The following ZNF277 variants were observed in gnomAD, a reference collection of about 807,000 sequenced individuals.
The protein encoded by ZNF277 is zinc finger protein 277, also known as nuclear receptor-interacting factor 4.
A neutral mutation model predicts 60.7 loss-of-function variants in ZNF277; 55 were observed. The observed-to-expected ratio is 0.91, with a 90% CI of 0.73 to 1.13. The LOEUF (loss-of-function observed/expected upper bound fraction) is 1.13. Among genes scored for constraint, ZNF277 ranks in the 50% most tolerant of loss-of-function variants. The pLI, the probability that ZNF277 is intolerant of heterozygous loss-of-function variation, is 0.00. For missense variants in ZNF277, 510 were observed against 523.0 expected (o/e 0.98, Z 0.24); for synonymous variants, 178 against 179.3 (o/e 0.99, Z 0.06).
At chr7:112,290,217 G>T (rs151267768) in intron 2 of ZNF277, among the ~76,000 whole-genome samples, 2 of 152,274 alleles carry the variant, frequency 1.3e-5, no homozygotes, top group East Asian at 1.9e-4. Context: ...AGTGATAATT[G>T]AATAGTTTAA....
In ZNF277 at chr7:112,249,663, G is replaced by A. The variant is rs556140105; in HGVS notation, c.92-37210G>A. On this transcript the variant is annotated intron_variant, in intron 1 of 11. Coordinates refer to ENST00000361822, the MANE Select transcript of ZNF277 (RefSeq NM_021994.3). ...CCGGCTGAAGCCATGGCAGAAGAAC[G>A]TAGATTGTGAAGATTTCATGGACAT... Among the ~76,000 whole-genome samples, 339 of 152,292 alleles carry A rather than the reference G, an allele frequency of 2.2e-3. No individual in the cohort carries two copies. The Middle Eastern group carries it at 0.024, about 11-fold the overall frequency.
intron 1 of ZNF277, among the ~76,000 whole-genome samples, chr7:112,254,167 T>C (rs1043006499): frequency 1.4e-4 from 22 of 152,258 alleles, no homozygotes. Flanking sequence ...GAGAAGCTTT[T>C]CAGAAAGCAA....
intron 4 of ZNF277, among the ~76,000 whole-genome samples, chr7:112,309,056 T>C (rs537187693): frequency 1.7e-4 from 26 of 152,172 alleles, no homozygotes; most frequent in African/African-American, 6.0e-4. Flanking sequence ...AGGGTACCTT[T>C]TGAATGAAGG....
At chr7:112,247,860 TG>T (rs1438003243) in intron 1 of ZNF277, among the ~76,000 whole-genome samples, 1 of 150,988 alleles carries the variant, frequency 6.6e-6, no homozygotes, top group Non-Finnish European at 1.5e-5. Flanking sequence ...CTCAGCTACT[TG>T]GGGGGCTGAG....
At chr7:112,224,306 T>C (rs1822116028) in intron 1 of ZNF277, among the ~76,000 whole-genome samples, 1 of 152,244 alleles carries the variant, frequency 6.6e-6, no homozygotes, top group Non-Finnish European at 1.5e-5. Context: ...TAAAAAATTG[T>C]AAACAAATTT....
rs992285847 is a variant in ZNF277 at position 112,324,178 on chromosome 7, C to T, written c.558-3539C>T. On this transcript the variant is annotated intron_variant, in intron 5 of 11. Transcript: ENST00000361822. ...GTCAAAAAAAATTTAATATACCTAA[C>T]CTACCTTAGGCATGCTTTGAACACT... 7.2e-5 allele frequency among the ~76,000 whole-genome samples: 11 copies of T among 152,224 alleles called. No individual in the cohort carries two copies. The East Asian group carries it at 2.1e-3, about 29-fold the overall frequency.
At chr7:112,230,296 A>G (rs1221119998) in intron 1 of ZNF277, among the ~76,000 whole-genome samples, 1 of 152,210 alleles carries the variant, frequency 6.6e-6, no homozygotes, top group Non-Finnish European at 1.5e-5. Flanking sequence ...TAATGTGAGA[A>G]TGGATATAGG....
At chr7:112,281,421 G>A (rs979149945) in intron 1 of ZNF277, among the ~76,000 whole-genome samples, 3 of 152,148 alleles carry the variant, frequency 2.0e-5, no homozygotes, top group African/African-American at 7.2e-5. Flanking sequence ...AATGCCACTT[G>A]TTCCTTGCTT....
intron 8 of ZNF277, 99 bp from the exon 9 acceptor site, chr7:112,337,631 A>G (rs1434297702): frequency 1.1e-6 from 1 of 948,652 alleles, no homozygotes; most frequent in Non-Finnish European, 1.6e-6. Context: ...AGAGATTGGC[A>G]GGGTTTTTTA....
At chr7:112,340,782 TA>T in intron 10 of ZNF277, 89 bp from the exon 11 acceptor site, 1 of 1,134,134 alleles carries the variant, frequency 8.8e-7, no homozygotes, top group South Asian at 1.5e-5. Context: ...GGTTGATTAA[TA>T]AAAATAAGTG....
intron 1 of ZNF277, among the ~76,000 whole-genome samples, chr7:112,281,027 C>G (rs1286170569): frequency 6.6e-6 from 1 of 152,220 alleles, no homozygotes; most frequent in Non-Finnish European, 1.5e-5. Context: ...TGTCTGCTCT[C>G]CAGTGCTTAG....
At chr7:112,328,190 TTTGTAA>T (rs1312250387) in intron 6 of ZNF277, 1 of 157,846 alleles carries the variant, frequency 6.3e-6, no homozygotes, top group Admixed American at 6.5e-5. Flanking sequence ...TATTCTTAAT[TTTGTAA>T]TTGTAATTCC....
At chr7:112,294,282 T>C (rs549034200) in intron 2 of ZNF277, among the ~76,000 whole-genome samples, 90 of 152,334 alleles carry the variant, frequency 5.9e-4, no homozygotes, top group African/African-American at 2.0e-3. Context: ...GTACAACGTG[T>C]TGAAGCTGGC....
At chr7:112,285,849 G>A (rs1792053265) in intron 1 of ZNF277, among the ~76,000 whole-genome samples, 1 of 152,146 alleles carries the variant, frequency 6.6e-6, no homozygotes, top group Admixed American at 6.5e-5. Flanking sequence ...TTTAACGGGA[G>A]AACTAATATT....
chr7:112,308,113 G>A (rs114422759), intron 4 of ZNF277, among the ~76,000 whole-genome samples: 179 of 151,938 alleles, frequency 1.2e-3, no homozygotes, highest in African/African-American at 3.6e-3. Context: ...GAGTATATGC[G>A]AGCAAATTAT....
At chr7:112,326,569 G>C (rs1396876943) in intron 5 of ZNF277, among the ~76,000 whole-genome samples, 1 of 151,192 alleles carries the variant, frequency 6.6e-6, no homozygotes, top group Non-Finnish European at 1.5e-5. Context: ...TTTAGTCAAA[G>C]TTATCAGTAA....
chr7:112,330,161 G>T lies in ZNF277; in HGVS notation c.746G>T (p.Arg249Leu). 6.2e-7 allele frequency: 1 copy of T among 1,613,036 alleles called. No individual in the cohort carries two copies. Among genetic ancestry groups the T allele is most frequent in the Non-Finnish European group, 8.5e-7 (1 of 1,179,610 alleles). The change falls in exon 7 of 12, where the codon CGT (arginine) becomes CTT (leucine). Residue 249 changes from arginine (R) to leucine (L), a missense_variant. Coordinates refer to ENST00000361822, the MANE Select transcript of ZNF277 (RefSeq NM_021994.3). ...LKDHMRKKQH[R>L]KINPKNREYD... ...GATCACATGAGGAAAAAACAGCATC[G>T]TAAGATTAATCCTAAGAACAGAGAA...
intron 4 of ZNF277, among the ~76,000 whole-genome samples, chr7:112,303,963 CAAG>C (rs1308786038): frequency 6.6e-6 from 1 of 152,046 alleles, no homozygotes; most frequent in Non-Finnish European, 1.5e-5. Context: ...TGATATCTTT[CAAG>C]AAGGTGAAAT....
intron 1 of ZNF277, among the ~76,000 whole-genome samples, chr7:112,212,433 A>G (rs1056455343): frequency 2.0e-5 from 3 of 152,242 alleles, no homozygotes; most frequent in African/African-American, 4.8e-5. Context: ...TAGGTTTATT[A>G]TATGTGCTGC....
Sources: allele counts gnomAD v4.1 joint callset (sites outside exome capture counted in the v4.1 genomes callset), GRCh38; gene constraint gnomAD v4.1.1; transcripts MANE v1.5; gene names NCBI Gene and HGNC (gene_info 2026-07-23, HGNC 2026-07-21).